Variants in NHSL2 observed in about 807,000 individuals in gnomAD.
NHSL2 encodes the protein NHS like 2.
A neutral mutation model predicts 53.4 loss-of-function variants in NHSL2; 27 were observed. The ratio of observed to expected loss-of-function variants is 0.51; its 90% CI spans 0.37 to 0.70. The LOEUF is 0.70. Among genes scored for constraint, NHSL2 ranks in the 30% least tolerant of loss-of-function variants. The probability of loss-of-function intolerance (pLI) is 0.00; values close to 1 mark genes in which losing one functional copy is unlikely to be tolerated. For missense variants in NHSL2, 892 were observed against 980.1 expected, an observed-to-expected ratio of 0.91 and a Z score of 1.20; for synonymous variants, 408 against 404.1, an observed-to-expected ratio of 1.01 and a Z score of -0.12.
chrX:71,920,971 AT>A lies in NHSL2; in HGVS notation c.280+9609del, dbSNP rs755213806. 5.6e-3 allele frequency among the ~76,000 whole-genome samples: 612 copies of A among 108,616 alleles called. 4 individuals are homozygous for A. The highest frequency in any genetic ancestry group is 9.0e-3 in the Non-Finnish European group (468 of 52,096). The allele number at this position is 108,616 out of a possible 115,157, so 94.3% of individuals were successfully genotyped here. ...AGGTACCCGCCACCATGCCCGGCTA[AT>A]TTTTGTATTTTTAGTAGAGACGGGG... On this transcript the variant is annotated intron_variant, in intron 1 of 7. Transcript: ENST00000633930.
At chrX:72,085,624 T>C (rs73563887) in intron 1 of NHSL2, among the ~76,000 whole-genome samples, 3,085 of 111,680 alleles carry the variant, frequency 0.028, 106 homozygotes, top group African/African-American at 0.095. Flanking sequence ...AAAACTTTCT[T>C]GGTTTGAAAC....
intron 1 of NHSL2, among the ~76,000 whole-genome samples, chrX:72,009,004 A>G (rs1476684923): frequency 8.9e-6 from 1 of 112,264 alleles, no homozygotes; most frequent in African/African-American, 3.2e-5. Context: ...GGTCCTGCAT[A>G]ATCTGGTCCC....
At chrX:71,966,759 C>T (rs764116073) in intron 1 of NHSL2, among the ~76,000 whole-genome samples, 2 of 111,452 alleles carry the variant, frequency 1.8e-5, no homozygotes, top group Admixed American at 9.6e-5. Flanking sequence ...TTTCTTTTCT[C>T]GTTATGACTT....
intron 1 of NHSL2, among the ~76,000 whole-genome samples, chrX:71,979,883 T>C (rs2041967323): frequency 9.0e-6 from 1 of 111,512 alleles, no homozygotes; most frequent in Admixed American, 9.5e-5. Flanking sequence ...TCTAGGGTTT[T>C]TATGGTTTTA....
At chrX:72,074,274 G>T (rs1488313253) in intron 1 of NHSL2, among the ~76,000 whole-genome samples, 1 of 112,451 alleles carries the variant, frequency 8.9e-6, no homozygotes, top group East Asian at 2.8e-4. Context: ...TAGTTGACCT[G>T]GCTCTTTCAT....
intron 1 of NHSL2, among the ~76,000 whole-genome samples, chrX:72,046,071 A>G (rs962231676): frequency 8.9e-6 from 1 of 112,360 alleles, no homozygotes; most frequent in East Asian, 2.8e-4. Context: ...TCTCATGGAA[A>G]CAGAGGGGCT....
At chrX:72,022,949 C>A (rs991090322) in intron 1 of NHSL2, among the ~76,000 whole-genome samples, 4 of 112,173 alleles carry the variant, frequency 3.6e-5, no homozygotes. Context: ...AACATGGCTG[C>A]CTGGTTATCC....
chrX:72,036,592 C>G (rs2042242598), intron 1 of NHSL2, among the ~76,000 whole-genome samples: 1 of 112,011 alleles, frequency 8.9e-6, no homozygotes, highest in African/African-American at 3.2e-5. Flanking sequence ...TATTTCTCCT[C>G]TCCTTCTGAG....
chrX:71,979,331 A>G (rs2041963907), intron 1 of NHSL2, among the ~76,000 whole-genome samples: 1 of 111,248 alleles, frequency 9.0e-6, no homozygotes, highest in African/African-American at 3.3e-5. Context: ...TTGAGGAATC[A>G]CCACACTGTC....
intron 1 of NHSL2, among the ~76,000 whole-genome samples, chrX:72,086,470 G>C (rs965470667): frequency 1.2e-4 from 13 of 111,459 alleles, no homozygotes; most frequent in African/African-American, 3.9e-4. Context: ...GATCACTTGA[G>C]GTCAAGAGTT....
chrX:72,068,675 TGAGAGAGAGAGAGA>T (rs5902689), intron 1 of NHSL2, among the ~76,000 whole-genome samples: 1 of 108,956 alleles, frequency 9.2e-6, no homozygotes, highest in Non-Finnish European at 1.9e-5. Flanking sequence ...TGTGTGTGTG[TGAGAGAGAGAGAGA>T]GAGAGAGAGA....
chrX:72,131,942 C>G (rs1193381205), intron 1 of NHSL2, 137 bp from the exon 2 acceptor site: 13 of 578,498 alleles, frequency 2.2e-5, no homozygotes, highest in Non-Finnish European at 3.0e-5. Flanking sequence ...GGCGATTCCC[C>G]GCCTTTTAAG....
chrX:72,101,652 A>G (rs1368661274), intron 1 of NHSL2, among the ~76,000 whole-genome samples: 7 of 110,019 alleles, frequency 6.4e-5, no homozygotes, highest in Non-Finnish European at 1.3e-4. Flanking sequence ...AGGAGAAAGG[A>G]ATTTCCTCCT....
intron 1 of NHSL2, among the ~76,000 whole-genome samples, chrX:71,912,134 C>T (rs1393751185): frequency 8.9e-6 from 1 of 112,688 alleles, no homozygotes; most frequent in East Asian, 2.8e-4. Context: ...TCAGCCATGC[C>T]TGAGAAACCA....
intron 1 of NHSL2, among the ~76,000 whole-genome samples, chrX:71,918,459 C>A (rs1274782391): frequency 1.8e-5 from 2 of 109,796 alleles, no homozygotes; most frequent in Non-Finnish European, 3.8e-5. Flanking sequence ...TGCTTCCGAG[C>A]ACAGTGTAAT....
At chrX:72,112,872 T>C (rs952825351) in intron 1 of NHSL2, among the ~76,000 whole-genome samples, 2 of 111,239 alleles carry the variant, frequency 1.8e-5, no homozygotes, top group Non-Finnish European at 3.8e-5. Context: ...GTATTTTTAA[T>C]AGAGACAGCA....
intron 4 of NHSL2, 39 bp downstream of exon 4, chrX:72,134,743 A>G (rs1325593436): frequency 1.8e-5 from 18 of 991,650 alleles, no homozygotes; most frequent in Non-Finnish European, 2.4e-5. Flanking sequence ...TCTTCCCTTC[A>G]TGCCTCTACA....
intron 1 of NHSL2, among the ~76,000 whole-genome samples, chrX:72,072,450 G>A (rs748490537): frequency 9.0e-6 from 1 of 111,653 alleles, no homozygotes; most frequent in Admixed American, 9.4e-5. Context: ...TCATGATTGG[G>A]CCCCTCCTAC....
chrX:72,003,310 GA>G (rs1250213470), intron 1 of NHSL2, among the ~76,000 whole-genome samples: 1 of 111,304 alleles, frequency 9.0e-6, no homozygotes, highest in Admixed American at 9.5e-5. Context: ...TTTCACTCTG[GA>G]GCTTTCACCT....
Sources: gnomAD v4.1 joint callset for allele counts (sites outside exome capture counted in the v4.1 genomes callset) on GRCh38, gnomAD v4.1.1 for gene constraint, MANE v1.5 for transcripts, NCBI Gene and HGNC (gene_info 2026-07-23, HGNC 2026-07-21) for gene names.